SCAMP3: variants seen among roughly 807,000 people sequenced by gnomAD.
SCAMP3 encodes secretory carrier membrane protein 3, also known as secretory carrier-associated membrane protein 3.
Under a neutral mutation model 44.1 loss-of-function variants are expected in SCAMP3, and 30 were observed. The observed-to-expected ratio is 0.68, with a 90% CI of 0.51 to 0.92. The LOEUF is 0.92. Ranked by LOEUF, SCAMP3 falls within the 40% of genes least tolerant of loss-of-function variation. The probability of loss-of-function intolerance (pLI) is 0.00; values close to 1 mark genes in which losing one functional copy is unlikely to be tolerated. For missense variants in SCAMP3, 394 were observed against 440.0 expected (o/e 0.90, Z 0.93); for synonymous variants, 168 against 171.1 (o/e 0.98, Z 0.14).
At chr1:155,258,318 C>CAT (rs1672861329) in intron 5 of SCAMP3, among the ~76,000 whole-genome samples, 1 of 86,510 alleles carries the variant, frequency 1.2e-5, no homozygotes, top group Non-Finnish European at 2.6e-5. Context: ...CGTGCCCGGC[C>CAT]TTTTTTTTTT....
intron 8 of SCAMP3, 94 bp downstream of exon 8, chr1:155,256,580 C>T: frequency 7.2e-7 from 1 of 1,379,860 alleles, no homozygotes; most frequent in East Asian, 2.3e-5. Flanking sequence ...AACCCAGCAG[C>T]CTGACCTGTG....
At position 155,260,638 on chromosome 1, in the gene SCAMP3, G is replaced by C. The variant is rs746740369; in HGVS notation, c.166C>G (p.Pro56Ala). 3 of 1,612,984 alleles carry C rather than the reference G, an allele frequency of 1.9e-6. No homozygotes were observed. Among genetic ancestry groups the C allele is most frequent in the Non-Finnish European group, 2.5e-6 (3 of 1,179,406 alleles). ...TREPPPAYEPPAPAPLPPPSA... is the reference protein window; with the variant it reads ...TREPPPAYEPAAPAPLPPPSA... ...GGTGGAGGCAATGGGGCAGGGGCTGGAGGCTCATAGGCTGGTGGTGGCTGT... is the reference window on the plus strand; with the variant it reads ...GGTGGAGGCAATGGGGCAGGGGCTGCAGGCTCATAGGCTGGTGGTGGCTGT... The change falls in exon 3 of 9, where the codon CCA becomes GCA. Residue 56 changes from proline to alanine, a missense_variant. Transcript: ENST00000302631.
At position 155,256,126 on chromosome 1, in the gene SCAMP3, T is replaced by C; in HGVS notation, c.*147A>G. 2.6e-6 allele frequency: 2 copies of C among 757,484 alleles called. No individual in the cohort carries two copies. The highest frequency in any genetic ancestry group is 4.1e-6 in the Non-Finnish European group (2 of 487,588). 46.9% of individuals were successfully genotyped at this position (757,484 alleles called of 1,614,324 possible). On this transcript the variant is annotated 3_prime_UTR_variant, in exon 9 of 9. Coordinates refer to ENST00000302631, the MANE Select transcript of SCAMP3 (RefSeq NM_005698.4). ...GGTCACAGTGAACTCCCCACACGCC[T>C]GTCAGGTTCAGCAGTCATGGCCATA... is the stretch of plus-strand genomic sequence containing the variant.
At position 155,256,674 on chromosome 1, in the gene SCAMP3, C is replaced by A; in HGVS notation, c.897G>T (p.Arg299=). The A allele has an allele frequency of 6.2e-7, 1 of 1,613,590 alleles. No individual in the cohort carries two copies. Among genetic ancestry groups the A allele is most frequent in the Non-Finnish European group, 8.5e-7 (1 of 1,179,460 alleles). ...IAVLGIVMLK[R]IHSLYRRTGA... ...GCCCCACCTTCGACACAGCCCTCAC[C>A]CGTTTCAGCATGACAATTCCTAGCA... Residue 299 remains arginine (R), a splice_region_variant and synonymous_variant, in exon 8 of 9, where the codon CGG becomes CGT. Coordinates refer to ENST00000302631, the MANE Select transcript of SCAMP3 (RefSeq NM_005698.4).
At chr1:155,259,067 TTGA>T in intron 4 of SCAMP3, 113 bp from the exon 5 acceptor site, 1 of 890,502 alleles carries the variant, frequency 1.1e-6, no homozygotes, top group Non-Finnish European at 1.6e-6. Context: ...TTTTTTTTTT[TTGA>T]GATAGGGTCT....
At chr1:155,256,647 C>A (rs752012413) in intron 8 of SCAMP3, 27 bp downstream of exon 8, 1 of 1,590,630 alleles carries the variant, frequency 6.3e-7, no homozygotes, top group Non-Finnish European at 8.6e-7. Context: ...CTCACCATCC[C>A]GGCCCCACCT....
intron 2 of SCAMP3, 57 bp from the exon 3 acceptor site, chr1:155,260,716 G>C: frequency 6.8e-7 from 1 of 1,481,466 alleles, no homozygotes; most frequent in Non-Finnish European, 9.1e-7. Flanking sequence ...GGAATCTAGA[G>C]TCTGCTTGAA....
At chr1:155,261,984 C>G (rs1300244119) in intron 1 of SCAMP3, 102 bp downstream of exon 1, 1 of 1,253,978 alleles carries the variant, frequency 8.0e-7, no homozygotes, top group Non-Finnish European at 1.1e-6. Context: ...GCGGCTCTTC[C>G]CAGGATCAAA....
intron 5 of SCAMP3, 58 bp from the exon 6 acceptor site, chr1:155,257,715 C>T (rs1261247029): frequency 1.4e-6 from 2 of 1,467,422 alleles, no homozygotes; most frequent in East Asian, 4.9e-5. Flanking sequence ...AGGCTCCTTC[C>T]CATCTATGCT....
chr1:155,257,459 C>A (rs781672421), intron 6 of SCAMP3, 39 bp downstream of exon 6: 3 of 1,611,890 alleles, frequency 1.9e-6, no homozygotes, highest in South Asian at 2.2e-5. Context: ...TGGGGCCCAT[C>A]CCAGGTCTCC....
chr1:155,257,785 A>C, intron 5 of SCAMP3, 128 bp from the exon 6 acceptor site: 1 of 826,742 alleles, frequency 1.2e-6, no homozygotes, highest in Non-Finnish European at 1.9e-6. Context: ...TGCTGCCTTC[A>C]TGGAATCCTC....
At chr1:155,261,398 A>T in intron 2 of SCAMP3, 1 of 528,016 alleles carries the variant, frequency 1.9e-6, no homozygotes, top group Non-Finnish European at 3.4e-6. Context: ...AAGCCTTCCC[A>T]TACAGAACAT....
In SCAMP3 at chr1:155,256,139, A is replaced by T; in HGVS notation, c.*134T>A. On this transcript the variant is annotated 3_prime_UTR_variant, in exon 9 of 9. Coordinates refer to ENST00000302631, the MANE Select transcript of SCAMP3 (RefSeq NM_005698.4). Reference sequence around the variant, plus strand: ...TCCCCACACGCCTGTCAGGTTCAGCAGTCATGGCCATAGGATTGGGAGCAC... The same window carrying T: ...TCCCCACACGCCTGTCAGGTTCAGCTGTCATGGCCATAGGATTGGGAGCAC... The T allele has an allele frequency of 1.1e-6, 1 of 870,456 alleles. No individual in the cohort carries two copies. Among genetic ancestry groups the T allele is most frequent in the Non-Finnish European group, 1.7e-6 (1 of 578,898 alleles). 53.9% of individuals were successfully genotyped at this position (870,456 alleles called of 1,614,324 possible).
chr1:155,256,702 G>A lies in SCAMP3; in HGVS notation c.869C>T (p.Ala290Val). Residue 290 changes from alanine to valine, a missense_variant, in exon 8 of 9, where the codon GCT becomes GTT. Transcript: ENST00000302631. ...TTTCAGCATGACAATTCCTAGCACA[G>A]CAATGCCAGTGAAGAGCAGGGCGAC... Reference protein sequence around the residue: ...LLVALLFTGIAVLGIVMLKRI... With the variant: ...LLVALLFTGIVVLGIVMLKRI... 6 of 1,614,150 alleles carry A rather than the reference G, an allele frequency of 3.7e-6. No homozygotes were observed. Among genetic ancestry groups the A allele is most frequent in the Non-Finnish European group, 5.1e-6 (6 of 1,179,978 alleles).
Position 155,256,113 on chromosome 1 carries a change from C to T in SCAMP3, c.*160G>A. 3.2e-6 allele frequency: 2 copies of T among 623,458 alleles called. No individual in the cohort carries two copies. The highest frequency in any genetic ancestry group is 5.2e-6 in the Non-Finnish European group (2 of 387,480). The allele number at this position is 623,458 out of a possible 1,614,324, so 38.6% of individuals were successfully genotyped here. On this transcript the variant is annotated 3_prime_UTR_variant, in exon 9 of 9. Transcript: ENST00000302631. ...GATGGGGGGACTAGGTCACAGTGAA[C>T]TCCCCACACGCCTGTCAGGTTCAGC...
rs768955194 is a variant in SCAMP3, at chr1:155,260,388, T to C, written c.330A>G (p.Ala110=). Residue 110 remains alanine (A), a synonymous_variant, in exon 4 of 9, where the codon GCA becomes GCG. Coordinates refer to ENST00000302631, the MANE Select transcript of SCAMP3 (RefSeq NM_005698.4). ...CTCGCTCCCTTCGGTCCAACTCCTCTGCCTTCCGGTTGAGCTCCTCCTGTT... is the reference window on the plus strand; with the variant it reads ...CTCGCTCCCTTCGGTCCAACTCCTCCGCCTTCCGGTTGAGCTCCTCCTGTT... ...LKKQEELNRK[A]EELDRREREL... is the part of the protein sequence containing the mutation. 5.2e-5 allele frequency: 84 copies of C among 1,613,976 alleles called. 1 individual carries two copies. The South Asian group carries it at 8.5e-4, about 16-fold the overall frequency.
intron 5 of SCAMP3, 105 bp downstream of exon 5, chr1:155,258,720 TG>T: frequency 1.0e-6 from 1 of 1,001,138 alleles, no homozygotes; most frequent in Non-Finnish European, 1.5e-6. Flanking sequence ...GCTAGCAGGC[TG>T]GTGAGTTCTA....
intron 2 of SCAMP3, 184 bp downstream of exon 2, chr1:155,261,473 G>A (rs1557927392): frequency 1.6e-6 from 1 of 640,024 alleles, no homozygotes; most frequent in Non-Finnish European, 2.8e-6. Flanking sequence ...AACCATTTGG[G>A]TTGGTGGCCC....
intron 2 of SCAMP3, 111 bp from the exon 3 acceptor site, chr1:155,260,770 C>A: frequency 1.0e-6 from 1 of 971,854 alleles, no homozygotes; most frequent in East Asian, 2.5e-5. Flanking sequence ...GCAGCCTTTC[C>A]CCCATTTGTT....
Sources: gnomAD v4.1 joint callset for allele counts (sites outside exome capture counted in the v4.1 genomes callset) on GRCh38, gnomAD v4.1.1 for gene constraint, MANE v1.5 for transcripts, NCBI Gene and HGNC (gene_info 2026-07-23, HGNC 2026-07-21) for gene names.